ADGRL3: variants seen among roughly 807,000 people sequenced by gnomAD.
ADGRL3 encodes calcium-independent alpha-latrotoxin receptor 3.
ADGRL3 carries 62 observed loss-of-function variants against 153.5 expected under a neutral mutation model. The observed-to-expected ratio is 0.40, with a 90% CI of 0.33 to 0.50. The LOEUF is 0.50. Ranked by LOEUF, ADGRL3 falls within the 20% of genes least tolerant of loss-of-function variation. ADGRL3 has a pLI of 0.47. For missense variants in ADGRL3, 1,641 were observed against 1,859.4 expected (o/e 0.88, Z 2.16); for synonymous variants, 710 against 672.5 (o/e 1.06, Z -0.86).
chr4:61,643,722 TTCATCAA>T (rs2093809383), intron 5 of ADGRL3, among the ~76,000 whole-genome samples: 1 of 138,156 alleles, frequency 7.2e-6, no homozygotes, highest in Non-Finnish European at 1.6e-5. Flanking sequence ...TGCATCAATG[TTCATCAA>T]GGATATTGGT....
intron 1 of ADGRL3, among the ~76,000 whole-genome samples, chr4:61,324,645 C>T (rs1254321590): frequency 2.0e-5 from 3 of 152,064 alleles, no homozygotes; most frequent in Non-Finnish European, 1.5e-5. Context: ...CCCAATATTG[C>T]ACTTATTAGG....
chr4:61,904,994 CA>C (rs1384857597), intron 11 of ADGRL3, among the ~76,000 whole-genome samples: 3 of 151,888 alleles, frequency 2.0e-5, no homozygotes, highest in Admixed American at 6.6e-5. Flanking sequence ...ATAATAATAA[CA>C]ACAAAATAAT....
intron 5 of ADGRL3, among the ~76,000 whole-genome samples, chr4:61,663,599 G>A (rs1360321800): frequency 6.6e-6 from 1 of 152,172 alleles, no homozygotes; most frequent in Non-Finnish European, 1.5e-5. Flanking sequence ...AGCCTGCCAG[G>A]TCAAGTGGGA....
At chr4:61,554,114 T>TTTA (rs1180972470) in intron 4 of ADGRL3, among the ~76,000 whole-genome samples, 1 of 151,306 alleles carries the variant, frequency 6.6e-6, no homozygotes, top group Non-Finnish European at 1.5e-5. Flanking sequence ...TTTTTTTTTT[T>TTTA]ACATTTTAAA....
intron 9 of ADGRL3, among the ~76,000 whole-genome samples, chr4:61,869,976 AAG>A (rs1170473906): frequency 1.6e-4 from 16 of 99,618 alleles, no homozygotes; most frequent in African/African-American, 4.1e-4. Flanking sequence ...GAGAGAGAGA[AAG>A]AGAGAGAGAG....
At chr4:62,024,088 C>T (rs1322000663) in intron 21 of ADGRL3, among the ~76,000 whole-genome samples, 1 of 152,000 alleles carries the variant, frequency 6.6e-6, no homozygotes, top group African/African-American at 2.4e-5. Context: ...GTTAAAGAAA[C>T]TTATATAACA....
At chr4:61,763,633 T>C (rs2152227600) in intron 8 of ADGRL3, among the ~76,000 whole-genome samples, 1 of 152,256 alleles carries the variant, frequency 6.6e-6, no homozygotes, top group South Asian at 2.1e-4. Flanking sequence ...TTTAGTTTCT[T>C]TATACTGTAT....
rs1560565604 is a variant in ADGRL3, at chr4:61,392,700, A to AG, written c.-174+9511_-174+9512insG. On this transcript the variant is annotated intron_variant, in intron 2 of 26. Transcript: ENST00000683033. ...ACTCCATCTCAAAAAAAAAAAAAAA[A>AG]AAAAAAGAAAAAGGAAAATAAAGAA... Among the ~76,000 whole-genome samples the AG allele has an allele frequency of 1.0e-3, 147 of 146,354 alleles. 4 individuals are homozygous for AG. Among genetic ancestry groups the AG allele is most frequent in the African/African-American group, 3.5e-3 (140 of 40,404 alleles).
intron 5 of ADGRL3, among the ~76,000 whole-genome samples, chr4:61,596,516 C>T (rs35550109): frequency 0.32 from 48,308 of 151,974 alleles, 8,187 homozygotes; most frequent in East Asian, 0.51. Context: ...TCTGCCAGAG[C>T]TCAACTTACA....
intron 2 of ADGRL3, among the ~76,000 whole-genome samples, chr4:61,432,643 TTTC>T (rs1560623596): frequency 1.2e-5 from 1 of 80,368 alleles, no homozygotes; most frequent in Non-Finnish European, 2.5e-5. Context: ...TCTTTCTTTC[TTTC>T]TTTCTTTCTT....
rs368852820 is a variant in ADGRL3 at position 61,532,633 on chromosome 4, C to T, written c.259+15115C>T. Among the ~76,000 whole-genome samples the T allele has an allele frequency of 1.5e-3, 227 of 149,576 alleles. 1 individual carries two copies. Among genetic ancestry groups the T allele is most frequent in the African/African-American group, 5.1e-3 (210 of 40,878 alleles). On this transcript the variant is annotated intron_variant, in intron 4 of 26. Coordinates refer to ENST00000683033, the MANE Select transcript of ADGRL3 (RefSeq NM_001387552.1). ...TGTAAATCCAGCTGTTTGGTCAGAT[C>T]CCAATTAGGATGATGCCTGTTAGAT...
intron 9 of ADGRL3, 63 bp downstream of exon 9, chr4:61,813,952 G>T: frequency 6.3e-7 from 1 of 1,586,308 alleles, no homozygotes; most frequent in Non-Finnish European, 8.6e-7. Context: ...AGCAATGATG[G>T]TTGTACATAT....
At chr4:61,411,906 G>A (rs141162520) in intron 2 of ADGRL3, among the ~76,000 whole-genome samples, 2 of 152,224 alleles carry the variant, frequency 1.3e-5, no homozygotes, top group Admixed American at 6.5e-5. Flanking sequence ...CTTAATATGA[G>A]AATTCACTAA....
At chr4:61,255,205 T>C (rs2149487186) in intron 1 of ADGRL3, among the ~76,000 whole-genome samples, 1 of 152,308 alleles carries the variant, frequency 6.6e-6, no homozygotes. Flanking sequence ...CTCACTTCAG[T>C]GAAAATTTTA....
At chr4:62,064,080 C>T (rs1262120721) in intron 25 of ADGRL3, among the ~76,000 whole-genome samples, 3 of 151,922 alleles carry the variant, frequency 2.0e-5, no homozygotes, top group Admixed American at 6.6e-5. Context: ...GAGCACAAAC[C>T]ATTAGTACTG....
At chr4:61,370,245 T>C (rs1309060040) in intron 1 of ADGRL3, among the ~76,000 whole-genome samples, 2 of 150,446 alleles carry the variant, frequency 1.3e-5, no homozygotes, top group African/African-American at 4.9e-5. Flanking sequence ...TCTGCTCTGA[T>C]TTTAGTTATT....
chr4:61,888,555 G>T (rs1481513970), intron 9 of ADGRL3, among the ~76,000 whole-genome samples: 2 of 152,168 alleles, frequency 1.3e-5, no homozygotes, highest in African/African-American at 4.8e-5. Context: ...CCAAAAGTTG[G>T]CATTGAACAG....
intron 12 of ADGRL3, 54 bp downstream of exon 12, chr4:61,909,799 GTGTCT>G: frequency 7.9e-7 from 1 of 1,260,406 alleles, no homozygotes; most frequent in Non-Finnish European, 1.1e-6. Context: ...GTGTGTGTGT[GTGTCT>G]TTAAAGTTGT....
At chr4:62,002,247 A>G (rs1271552774) in intron 21 of ADGRL3, among the ~76,000 whole-genome samples, 6 of 141,668 alleles carry the variant, frequency 4.2e-5, no homozygotes, top group African/African-American at 1.6e-4. Flanking sequence ...GGCCCATTAA[A>G]CCTCCCTGAT....
Sources: gnomAD v4.1 joint callset for allele counts (sites outside exome capture counted in the v4.1 genomes callset) on GRCh38, gnomAD v4.1.1 for gene constraint, MANE v1.5 for transcripts, NCBI Gene and HGNC (gene_info 2026-07-23, HGNC 2026-07-21) for gene names.